PROSER2: variants seen among roughly 807,000 people sequenced by gnomAD.
The protein encoded by PROSER2 is proline and serine-rich protein 2.
Under a neutral mutation model 14.6 loss-of-function variants are expected in PROSER2, and 18 were observed. The observed-to-expected ratio is 1.23, with a 90% CI of 0.85 to 1.83. The LOEUF is 1.83. Among genes scored for constraint, PROSER2 ranks in the 40% most tolerant of loss-of-function variants. The pLI, the probability that PROSER2 is intolerant of heterozygous loss-of-function variation, is 0.00. For synonymous variants in PROSER2, 367 were observed against 286.4 expected (o/e 1.28, Z -2.84); for missense variants, 823 against 629.8 (o/e 1.31, Z -3.28).
chr10:11,841,106 A>G (rs1336149069), intron 1 of PROSER2, among the ~76,000 whole-genome samples: 1 of 150,670 alleles, frequency 6.6e-6, no homozygotes, highest in Non-Finnish European at 1.5e-5. Context: ...GCTTTTCACT[A>G]TTGAAAGATT....
chr10:11,853,225 T>A (rs1834061976), intron 2 of PROSER2, among the ~76,000 whole-genome samples: 1 of 152,208 alleles, frequency 6.6e-6, no homozygotes, highest in African/African-American at 2.4e-5. Context: ...TTATTAGTAA[T>A]GACAGAATTT....
chr10:11,866,149 T>C lies in PROSER2; in HGVS notation c.139-382T>C, dbSNP rs1167078623. Among the ~76,000 whole-genome samples the C allele has an allele frequency of 6.6e-6, 1 of 152,106 alleles. No individual in the cohort carries two copies. Among genetic ancestry groups the C allele is most frequent in the Non-Finnish European group, 1.5e-5 (1 of 68,014 alleles). On this transcript the variant is annotated intron_variant, in intron 2 of 3. Coordinates refer to ENST00000277570, the MANE Select transcript of PROSER2 (RefSeq NM_153256.4). The surrounding 1 kb of genome is among the most constrained non-coding windows in gnomAD (Gnocchi z 6.0). Reference sequence around the variant, plus strand: ...GGTTTCTGGTGAGAAAGGAGATAAATATGTGAGTTCAATCCACCATCTTTA... The same window carrying C: ...GGTTTCTGGTGAGAAAGGAGATAAACATGTGAGTTCAATCCACCATCTTTA...
At chr10:11,861,072 C>G (rs950059900) in intron 2 of PROSER2, among the ~76,000 whole-genome samples, 2 of 152,176 alleles carry the variant, frequency 1.3e-5, no homozygotes, top group East Asian at 3.8e-4. Context: ...TGCCACTGCA[C>G]TCCAGCCTGG....
rs1487209762 is a variant in PROSER2 at position 11,871,094 on chromosome 10, C to G, written c.*688C>G. ...TGAGGTCTGGGACGTGTGCGTGAGCCTGTGTTTGTGTGTGTATGTTTTTAG... is the reference window on the plus strand; with the variant it reads ...TGAGGTCTGGGACGTGTGCGTGAGCGTGTGTTTGTGTGTGTATGTTTTTAG... On this transcript the variant is annotated 3_prime_UTR_variant, in exon 4 of 4. Transcript: ENST00000277570. 1 of 152,168 alleles carries G rather than the reference C, an allele frequency of 6.6e-6. No individual in the cohort carries two copies. Among genetic ancestry groups the G allele is most frequent in the Non-Finnish European group, 1.5e-5 (1 of 68,042 alleles). 9.4% of individuals were successfully genotyped at this position (152,168 alleles called of 1,614,324 possible).
At chr10:11,845,326 C>T (rs752488310) in intron 1 of PROSER2, among the ~76,000 whole-genome samples, 10 of 152,134 alleles carry the variant, frequency 6.6e-5, no homozygotes, top group African/African-American at 9.7e-5. Context: ...CTTTTAACTA[C>T]GGTTTTGAGG....
At chr10:11,827,016 C>T (rs1379775436) in intron 1 of PROSER2, among the ~76,000 whole-genome samples, 1 of 151,712 alleles carries the variant, frequency 6.6e-6, no homozygotes, top group African/African-American at 2.4e-5. Context: ...TCCAGGGTAG[C>T]TAGGACCACA....
At chr10:11,868,743 C>T (rs1834402911) in intron 3 of PROSER2, among the ~76,000 whole-genome samples, 1 of 152,146 alleles carries the variant, frequency 6.6e-6, no homozygotes, top group Admixed American at 6.5e-5. Flanking sequence ...CTCCACCTCC[C>T]AGGTTCAAGG....
At chr10:11,834,788 G>A (rs979241406) in intron 1 of PROSER2, among the ~76,000 whole-genome samples, 2 of 151,952 alleles carry the variant, frequency 1.3e-5, no homozygotes, top group Non-Finnish European at 2.9e-5. Flanking sequence ...GGTATCAAGA[G>A]TAAACTGGGA....
intron 1 of PROSER2, among the ~76,000 whole-genome samples, chr10:11,827,111 C>A (rs1348438267): frequency 6.6e-6 from 1 of 151,306 alleles, no homozygotes; most frequent in Non-Finnish European, 1.5e-5. Flanking sequence ...GTCTCAAACT[C>A]CTGGGTTCAA....
chr10:11,870,744 T>C lies in PROSER2; in HGVS notation c.*338T>C, dbSNP rs185350591. ...TTTTGGGGGTTGGGAGGAGTAGGAC[T>C]GGTCTGATTATCATTCTTGAGTCTC... On this transcript the variant is annotated 3_prime_UTR_variant, in exon 4 of 4. Coordinates refer to ENST00000277570, the MANE Select transcript of PROSER2 (RefSeq NM_153256.4). 4.2e-6 allele frequency: 1 copy of C among 235,534 alleles called. No individual in the cohort carries two copies. The highest frequency in any genetic ancestry group is 2.3e-5 in the African/African-American group (1 of 44,012). 14.6% of individuals were successfully genotyped at this position (235,534 alleles called of 1,614,324 possible).
chr10:11,845,310 C>T (rs1833907231), intron 1 of PROSER2, among the ~76,000 whole-genome samples: 1 of 152,146 alleles, frequency 6.6e-6, no homozygotes, highest in Non-Finnish European at 1.5e-5. Context: ...CTTGTTTCCC[C>T]ACAGCCTTTT....
intron 2 of PROSER2, among the ~76,000 whole-genome samples, chr10:11,853,444 CG>C (rs1834067074): frequency 6.6e-6 from 1 of 152,070 alleles, no homozygotes; most frequent in African/African-American, 2.4e-5. Flanking sequence ...AAAAATTAGC[CG>C]GGCGTGGTGG....
At position 11,853,032 on chromosome 10, in the gene PROSER2, A is replaced by G. The variant is rs553328507; in HGVS notation, c.138+817A>G. On this transcript the variant is annotated intron_variant, in intron 2 of 3. Coordinates refer to ENST00000277570, the MANE Select transcript of PROSER2 (RefSeq NM_153256.4). ...TTCATCTTTCAAGAGAGGGGAGACC[A>G]TGACACTCACTCCTAGAGGGAGGAG... 2.7e-4 allele frequency among the ~76,000 whole-genome samples: 41 copies of G among 152,114 alleles called. 1 individual carries two copies. Among genetic ancestry groups the G allele is most frequent in the Non-Finnish European group, 4.7e-4 (32 of 68,012 alleles).
Position 11,869,901 on chromosome 10 carries a change from G to T in PROSER2, c.803G>T (p.Arg268Leu). ...ACCAACGGCGCGGCCCGGGAGCCCCGCAGGACCCTGTCCAGGGCGGCCGTC... is the reference window on the plus strand; with the variant it reads ...ACCAACGGCGCGGCCCGGGAGCCCCTCAGGACCCTGTCCAGGGCGGCCGTC... Reference protein sequence around the residue: ...IVTNGAAREPRRTLSRAAVSV... With the variant: ...IVTNGAAREPLRTLSRAAVSV... Residue 268 changes from arginine to leucine, a missense_variant, in exon 4 of 4, where the codon CGC becomes CTC. Arg to Leu is a moderately radical substitution (Grantham distance 102, BLOSUM62 -2). Transcript: ENST00000277570. This position sits in a 1 kb window ranked among gnomAD's most constrained non-coding sequence, Gnocchi z 4.4. 1.3e-6 allele frequency: 2 copies of T among 1,586,012 alleles called. No homozygotes were observed. The highest frequency in any genetic ancestry group is 1.7e-6 in the Non-Finnish European group (2 of 1,169,072).
intron 1 of PROSER2, among the ~76,000 whole-genome samples, chr10:11,825,094 G>C (rs888964368): frequency 1.3e-5 from 2 of 152,186 alleles, no homozygotes; most frequent in African/African-American, 4.8e-5. Flanking sequence ...ACCTGGCCTT[G>C]GTTCCAAAGT....
At chr10:11,842,183 C>T (rs1833853935) in intron 1 of PROSER2, among the ~76,000 whole-genome samples, 1 of 150,382 alleles carries the variant, frequency 6.6e-6, no homozygotes, top group Admixed American at 6.6e-5. Flanking sequence ...GATCGCGCCA[C>T]TGCAATCCAG....
In PROSER2 at chr10:11,866,827, G is replaced by A; in HGVS notation, c.391+44G>A. On this transcript the variant is annotated intron_variant, in intron 3 of 3. Transcript: ENST00000277570. The surrounding 1 kb of genome is among the most constrained non-coding windows in gnomAD (Gnocchi z 6.0). Reference sequence around the variant, plus strand: ...CATCCCTGGGATGTGGTTTCCTGGTGTCTGTGAGACCCAGAGATACTTCTT... The same window carrying A: ...CATCCCTGGGATGTGGTTTCCTGGTATCTGTGAGACCCAGAGATACTTCTT... 1.3e-6 allele frequency: 2 copies of A among 1,583,866 alleles called. No individual in the cohort carries two copies. The highest frequency in any genetic ancestry group is 3.4e-5 in the Admixed American group (2 of 58,078).
At chr10:11,864,592 C>CT (rs533338162) in intron 2 of PROSER2, among the ~76,000 whole-genome samples, 30,412 of 139,590 alleles carry the variant, frequency 0.22, 3,477 homozygotes, top group Middle Eastern at 0.31. Context: ...TTTTTTTTTT[C>CT]TTTTTTTTTT....
intron 1 of PROSER2, among the ~76,000 whole-genome samples, chr10:11,827,527 T>G (rs191013474): frequency 3.3e-5 from 5 of 152,246 alleles, no homozygotes; most frequent in African/African-American, 1.2e-4. Flanking sequence ...TTGTCTGACT[T>G]GCGCTTTGTC....
Sources: gnomAD v4.1 joint callset for allele counts (sites outside exome capture counted in the v4.1 genomes callset) on GRCh38, gnomAD v4.1.1 for gene constraint, Gnocchi (gnomAD v3.1) non-coding constraint, MANE v1.5 for transcripts, NCBI Gene and HGNC (gene_info 2026-07-23, HGNC 2026-07-21) for gene names.